Variants in TBC1D19 observed in about 807,000 individuals in gnomAD.
TBC1D19 encodes the protein TBC1 domain family, member 19.
TBC1D19 carries 60 observed loss-of-function variants against 89.0 expected under a neutral mutation model. The observed-to-expected ratio is 0.67, with a 90% CI of 0.55 to 0.84. The LOEUF (loss-of-function observed/expected upper bound fraction) is 0.84, where lower values mean the gene tolerates loss of function less well. Ranked by LOEUF, TBC1D19 falls within the 40% of genes least tolerant of loss-of-function variation. The pLI, the probability that TBC1D19 is intolerant of heterozygous loss-of-function variation, is 0.00. For missense variants in TBC1D19, 500 were observed against 610.8 expected (o/e 0.82, Z 1.91); for synonymous variants, 189 against 199.7 (o/e 0.95, Z 0.45).
At chr4:26,726,189 A>T (rs1560499247) in intron 15 of TBC1D19, among the ~76,000 whole-genome samples, 1 of 150,414 alleles carries the variant, frequency 6.6e-6, no homozygotes, top group Admixed American at 6.6e-5. Flanking sequence ...ATCAGGAAAC[A>T]TTTGGCAATG....
intron 9 of TBC1D19, among the ~76,000 whole-genome samples, chr4:26,669,443 A>G (rs1001831058): frequency 2.0e-5 from 3 of 151,972 alleles, no homozygotes; most frequent in South Asian, 2.1e-4. Context: ...AGCAAGATCT[A>G]TTAATATAGG....
rs545493985 is a variant in TBC1D19, at chr4:26,647,540, A to G, written c.480+7353A>G. On this transcript the variant is annotated intron_variant, in intron 7 of 20. Coordinates refer to ENST00000264866, the MANE Select transcript of TBC1D19 (RefSeq NM_018317.4). Reference sequence around the variant, plus strand: ...AATCTGTTCTTAGCACAGCTTCCGGAGGAAGGCCTTTAAATGCAATTCAGA... The same window carrying G: ...AATCTGTTCTTAGCACAGCTTCCGGGGGAAGGCCTTTAAATGCAATTCAGA... 1.6e-4 allele frequency among the ~76,000 whole-genome samples: 24 copies of G among 152,228 alleles called. No individual in the cohort carries two copies. The South Asian group carries it at 5.0e-3, about 32-fold the overall frequency.
chr4:26,584,577 A>G (rs1420724866), intron 1 of TBC1D19, among the ~76,000 whole-genome samples: 4 of 152,176 alleles, frequency 2.6e-5, no homozygotes, highest in Non-Finnish European at 4.4e-5. Flanking sequence ...TTCAGACCAG[A>G]GAAACGCTTA....
chr4:26,610,808 A>C (rs1369323291), intron 1 of TBC1D19, among the ~76,000 whole-genome samples: 7 of 151,966 alleles, frequency 4.6e-5, no homozygotes, highest in African/African-American at 1.7e-4. Flanking sequence ...GTAGTATTCC[A>C]TGGTGTATAT....
the TBC1D19 span, among the ~76,000 whole-genome samples, chr4:26,832,783 A>G: frequency 5.9e-5 from 9 of 152,286 alleles, no homozygotes; most frequent in South Asian, 1.7e-3. Flanking sequence ...ACTTGAGGTC[A>G]GGTGACCAGA....
At chr4:26,587,495 T>A (rs1487962585) in intron 1 of TBC1D19, among the ~76,000 whole-genome samples, 3 of 151,626 alleles carry the variant, frequency 2.0e-5, no homozygotes, top group African/African-American at 7.3e-5. Flanking sequence ...GAGGATGGCT[T>A]GAACCTGGGT....
chr4:26,692,946 G>A (rs942241133), intron 13 of TBC1D19, among the ~76,000 whole-genome samples: 2 of 152,130 alleles, frequency 1.3e-5, no homozygotes, highest in Admixed American at 6.5e-5. Context: ...TTAACACAGA[G>A]ATCAGGGGAA....
chr4:26,776,458 T>C, the TBC1D19 span, among the ~76,000 whole-genome samples: 13 of 152,174 alleles, frequency 8.5e-5, no homozygotes, highest in African/African-American at 2.7e-4. Flanking sequence ...TTTTTCCCAA[T>C]TTTGCACTAT....
At chr4:26,771,466 A>T in the TBC1D19 span, among the ~76,000 whole-genome samples, 1 of 152,354 alleles carries the variant, frequency 6.6e-6, no homozygotes, top group South Asian at 2.1e-4. Context: ...TGGTATATAC[A>T]TACAATGGAA....
chr4:26,665,239 A>G (rs184421732), intron 8 of TBC1D19, among the ~76,000 whole-genome samples: 150 of 152,300 alleles, frequency 9.8e-4, no homozygotes, highest in African/African-American at 3.5e-3. Context: ...GTTATTTAAA[A>G]TCTATACAAA....
At chr4:26,796,616 C>T in the TBC1D19 span, among the ~76,000 whole-genome samples, 1 of 152,038 alleles carries the variant, frequency 6.6e-6, no homozygotes, top group African/African-American at 2.4e-5. Flanking sequence ...GGATGATCAC[C>T]TGAGCCTAGG....
intron 14 of TBC1D19, 40 bp from the exon 15 acceptor site, chr4:26,720,041 A>T (rs375212921): frequency 6.6e-6 from 10 of 1,509,822 alleles, no homozygotes; most frequent in Non-Finnish European, 6.3e-6. Flanking sequence ...AGATTTATTT[A>T]CTTAATCATA....
the TBC1D19 span, among the ~76,000 whole-genome samples, chr4:26,845,211 A>C: frequency 1.3e-5 from 2 of 152,186 alleles, no homozygotes; most frequent in African/African-American, 2.4e-5. Context: ...TTATTTTACC[A>C]TTATATTGCT....
chr4:26,603,284 T>C (rs909875977), intron 1 of TBC1D19, among the ~76,000 whole-genome samples: 1 of 152,224 alleles, frequency 6.6e-6, no homozygotes, highest in African/African-American at 2.4e-5. Context: ...TGTTTTCACT[T>C]TATAACTTAG....
chr4:26,652,152 A>G (rs561537911), intron 7 of TBC1D19, among the ~76,000 whole-genome samples: 12 of 151,966 alleles, frequency 7.9e-5, no homozygotes, highest in Admixed American at 7.9e-4. Context: ...GATGTTGATC[A>G]GGGATATTGG....
At chr4:26,826,197 G>A in the TBC1D19 span, among the ~76,000 whole-genome samples, 1 of 152,058 alleles carries the variant, frequency 6.6e-6, no homozygotes, top group African/African-American at 2.4e-5. Flanking sequence ...AAGAGACCTT[G>A]TCTCAAAAAT....
the TBC1D19 span, among the ~76,000 whole-genome samples, chr4:26,808,054 G>A: frequency 6.6e-6 from 1 of 152,234 alleles, no homozygotes; most frequent in Admixed American, 6.5e-5. Context: ...CCCAGCCACT[G>A]CTGACTGCAA....
chr4:26,760,241 T>C (rs969567944), downstream of TBC1D19, among the ~76,000 whole-genome samples: 1 of 152,202 alleles, frequency 6.6e-6, no homozygotes, highest in Non-Finnish European at 1.5e-5. Flanking sequence ...TCTGTTCAAA[T>C]CTTTTGTCCA....
chr4:26,580,277 T>C (rs1377240486), upstream of TBC1D19, among the ~76,000 whole-genome samples: 1 of 152,154 alleles, frequency 6.6e-6, no homozygotes, highest in Non-Finnish European at 1.5e-5. Context: ...GGGGCTTTTT[T>C]TTTCCCCCAT....
Sources: allele counts gnomAD v4.1 joint callset (sites outside exome capture counted in the v4.1 genomes callset), GRCh38; gene constraint gnomAD v4.1.1; transcripts MANE v1.5; gene names NCBI Gene and HGNC (gene_info 2026-07-23, HGNC 2026-07-21).